The following CCNE1 variants were observed in gnomAD, a reference collection of about 807,000 sequenced individuals.
CCNE1 encodes G1/S-specific cyclin-E1.
A neutral mutation model predicts 54.1 loss-of-function variants in CCNE1; 8 were observed. That is an observed-to-expected ratio of 0.15 (90% CI 0.09 to 0.27). The LOEUF (loss-of-function observed/expected upper bound fraction) is 0.27. Among genes scored for constraint, CCNE1 ranks in the 10% least tolerant of loss-of-function variants. The pLI is 1.00. For missense variants in CCNE1, 430 were observed against 514.9 expected, an observed-to-expected ratio of 0.84 and a Z score of 1.60; for synonymous variants, 179 against 185.2, an observed-to-expected ratio of 0.97 and a Z score of 0.27.
intron 6 of CCNE1, among the ~76,000 whole-genome samples, chr19:29,818,483 T>C (rs929938478): frequency 6.6e-6 from 1 of 152,192 alleles, no homozygotes; most frequent in Non-Finnish European, 1.5e-5. Flanking sequence ...ATGTATTCAC[T>C]GGGATGCATA....
rs932025755 is a variant in CCNE1, at chr19:29,821,254, G to T, written c.609+406G>T. Among the ~76,000 whole-genome samples, 5 of 152,152 alleles carry T rather than the reference G, an allele frequency of 3.3e-5. No homozygotes were observed. The South Asian group carries it at 1.0e-3, about 32-fold the overall frequency. ...TACAAAAAATTAGCCAGGCGTGGTG[G>T]CACGTGCCTGTAATCCCAGCTATTC... is the stretch of plus-strand genomic sequence containing the variant. On this transcript the variant is annotated intron_variant, in intron 7 of 11. Transcript: ENST00000262643.
rs113558313 is a variant in CCNE1 at position 29,812,871 on chromosome 19, G to A, written c.111+95G>A. ...TACGGGGGCGGGGGTCCCTTGGGCA[G>A]GAACGGAGCTCATAACCTGATCAGC... On this transcript the variant is annotated intron_variant, in intron 3 of 11. Coordinates refer to ENST00000262643, the MANE Select transcript of CCNE1 (RefSeq NM_001238.4). The A allele has an allele frequency of 4.4e-4, 699 of 1,590,512 alleles. No individual in the cohort carries two copies. The African/African-American group carries it at 8.4e-3, about 19-fold the overall frequency.
rs534254344 is a variant in CCNE1 at position 29,819,492 on chromosome 19, G to A, written c.463-1210G>A. Among the ~76,000 whole-genome samples the A allele has an allele frequency of 1.1e-3, 161 of 152,082 alleles. No homozygotes were observed. In the Middle Eastern group the frequency reaches 0.034, roughly 32 times the overall value. ...AGTTGGGGTCTTGCTATGTTGCCCC[G>A]GCTGGTCTCCAACTCCTGGGATCAA... On this transcript the variant is annotated intron_variant, in intron 6 of 11. Transcript: ENST00000262643.
At chr19:29,818,535 T>A (rs1160779556) in intron 6 of CCNE1, among the ~76,000 whole-genome samples, 1 of 152,224 alleles carries the variant, frequency 6.6e-6, no homozygotes, top group Non-Finnish European at 1.5e-5. Context: ...TGTAAACATA[T>A]ATGAACAAGC....
rs748567177 is a variant in CCNE1, at chr19:29,817,322, CT to C, written c.326+41del. On this transcript the variant is annotated intron_variant, in intron 5 of 11. Coordinates refer to ENST00000262643, the MANE Select transcript of CCNE1 (RefSeq NM_001238.4). The stretch of plus-strand genomic sequence containing the variant: ...TGCCACATGGCTTCCAGGTCTCTTA[CT>C]CCATGCTCCCCTTTATCCCTCATAG... 29 of 1,613,758 alleles carry C rather than the reference CT, an allele frequency of 1.8e-5. No individual in the cohort carries two copies. The African/African-American group carries it at 3.1e-4, about 17-fold the overall frequency.
At chr19:29,821,435 T>TA (rs1974142593) in intron 7 of CCNE1, among the ~76,000 whole-genome samples, 2 of 152,134 alleles carry the variant, frequency 1.3e-5, no homozygotes, top group South Asian at 4.1e-4. Flanking sequence ...TCAAAGGGTA[T>TA]ATGGGCCCAA....
intron 6 of CCNE1, 141 bp downstream of exon 6, chr19:29,817,682 C>T (rs1974056982): frequency 4.6e-6 from 4 of 872,640 alleles, no homozygotes; most frequent in East Asian, 5.0e-5. Context: ...CTGTGGTGGT[C>T]TTTCTGTTTT....
chr19:29,820,623 A>G (rs1974125779), intron 6 of CCNE1, 79 bp from the exon 7 acceptor site: 2 of 1,003,154 alleles, frequency 2.0e-6, no homozygotes, highest in South Asian at 1.4e-5. Context: ...TCCTTCACCA[A>G]AGTCATTACA....
intron 4 of CCNE1, chr19:29,813,389 G>T: frequency 4.4e-6 from 1 of 227,618 alleles, no homozygotes; most frequent in Non-Finnish European, 8.7e-6. Flanking sequence ...TGCCATCCAG[G>T]GGCAAAGTTG....
At position 29,813,049 on chromosome 19, in the gene CCNE1, C is replaced by T. The variant is rs779222571; in HGVS notation, c.180+12C>T. On this transcript the variant is annotated intron_variant, in intron 4 of 11. Transcript: ENST00000262643. The stretch of plus-strand genomic sequence containing the variant: ...AGTGTGGGAGCCAGGTAGGTCCGCC[C>T]GGGGTTGGGCCTCTGTGGAGGTCCT... 4.3e-6 allele frequency: 7 copies of T among 1,613,678 alleles called. No individual in the cohort carries two copies. Among genetic ancestry groups the T allele is most frequent in the South Asian group, 3.3e-5 (3 of 91,066 alleles).
At chr19:29,815,642 G>C (rs1329107502) in intron 4 of CCNE1, among the ~76,000 whole-genome samples, 8 of 114,750 alleles carry the variant, frequency 7.0e-5, no homozygotes, top group East Asian at 3.8e-4. Context: ...TTTTTTTTTG[G>C]GGGGGGGACA....
Position 29,823,895 on chromosome 19 carries a change from C to T in CCNE1, c.*118C>T. 6 of 1,130,884 alleles carry T rather than the reference C, an allele frequency of 5.3e-6. No individual in the cohort carries two copies. In the South Asian group the frequency reaches 1.1e-4, roughly 21 times the overall value. The allele number at this position is 1,130,884 out of a possible 1,614,324, so 70.1% of individuals were successfully genotyped here. On this transcript the variant is annotated 3_prime_UTR_variant, in exon 12 of 12. Coordinates refer to ENST00000262643, the MANE Select transcript of CCNE1 (RefSeq NM_001238.4). ...TATCTGAATGGAAGAGTGTTTCTTC[C>T]ACAACAGAAGTATTTCTGTGGATGG...
At chr19:29,820,943 C>A (rs1330686797) in intron 7 of CCNE1, 95 bp downstream of exon 7, 2 of 949,760 alleles carry the variant, frequency 2.1e-6, no homozygotes, top group East Asian at 5.0e-5. Flanking sequence ...CTATAGCACT[C>A]ATCCTAAATT....
chr19:29,817,618 T>G, intron 6 of CCNE1, 77 bp downstream of exon 6: 1 of 1,483,354 alleles, frequency 6.7e-7, no homozygotes, highest in African/African-American at 1.4e-5. Flanking sequence ...GACCTCTGTG[T>G]GGTTTATTCC....
intron 6 of CCNE1, among the ~76,000 whole-genome samples, chr19:29,819,153 A>G (rs1188353875): frequency 6.6e-6 from 1 of 151,936 alleles, no homozygotes; most frequent in African/African-American, 2.4e-5. Context: ...CTGAAGTGGG[A>G]GGATTGCTTG....
chr19:29,812,517 C>G lies in CCNE1; in HGVS notation c.-24-15C>G. Reference sequence around the variant, plus strand: ...GCCTGACCCCGCCGCCGCCTCACCCCGCGCCGCCCCGCAGGCCTCAGGCCG... The same window carrying G: ...GCCTGACCCCGCCGCCGCCTCACCCGGCGCCGCCCCGCAGGCCTCAGGCCG... On this transcript the variant is annotated splice_polypyrimidine_tract_variant and intron_variant, in intron 1 of 11. Coordinates refer to ENST00000262643, the MANE Select transcript of CCNE1 (RefSeq NM_001238.4). 7.7e-7 allele frequency: 1 copy of G among 1,290,524 alleles called. No individual in the cohort carries two copies. The highest frequency in any genetic ancestry group is 2.6e-5 in the South Asian group (1 of 37,762). 79.9% of individuals were successfully genotyped at this position (1,290,524 alleles called of 1,614,324 possible).
At position 29,815,646 on chromosome 19, in the gene CCNE1, G is replaced by C. The variant is rs551045194; in HGVS notation, c.181-1491G>C. On this transcript the variant is annotated intron_variant, in intron 4 of 11. Coordinates refer to ENST00000262643, the MANE Select transcript of CCNE1 (RefSeq NM_001238.4). The stretch of plus-strand genomic sequence containing the variant: ...GCTTTTTTTTTTTTTTTTTTGGGGG[G>C]GGGACAGAGTCTTGCTCCGTCACCC... Among the ~76,000 whole-genome samples the C allele has an allele frequency of 2.2e-4, 32 of 144,196 alleles. No individual in the cohort carries two copies. The East Asian group carries it at 3.7e-3, about 17-fold the overall frequency. 94.6% of individuals were successfully genotyped at this position (144,196 alleles called of 152,430 possible).
intron 6 of CCNE1, among the ~76,000 whole-genome samples, chr19:29,818,090 G>A (rs10421341): frequency 0.33 from 48,457 of 147,172 alleles, 8,390 homozygotes; most frequent in East Asian, 0.48. Flanking sequence ...GCAGTGGTGC[G>A]ATCTCAGCTT....
intron 6 of CCNE1, 81 bp from the exon 7 acceptor site, chr19:29,820,621 C>A (rs1343369050): frequency 9.9e-7 from 1 of 1,012,918 alleles, no homozygotes; most frequent in Non-Finnish European, 1.5e-6. Flanking sequence ...TTTCCTTCAC[C>A]AAAGTCATTA....
Sources: allele counts gnomAD v4.1 joint callset (sites outside exome capture counted in the v4.1 genomes callset), GRCh38; gene constraint gnomAD v4.1.1; transcripts MANE v1.5; gene names NCBI Gene and HGNC (gene_info 2026-07-23, HGNC 2026-07-21).